The following TCF12 variants were observed in gnomAD, a reference collection of about 807,000 sequenced individuals.
TCF12 encodes the protein DNA-binding protein HTF4.
Under a neutral mutation model 86.0 loss-of-function variants are expected in TCF12, and 45 were observed. The ratio of observed to expected loss-of-function variants is 0.52; its 90% CI spans 0.41 to 0.67. TCF12 has a LOEUF of 0.67. Among genes scored for constraint, TCF12 ranks in the 30% least tolerant of loss-of-function variants. The probability of loss-of-function intolerance (pLI) is 0.00; values close to 1 mark genes in which losing one functional copy is unlikely to be tolerated. For missense variants in TCF12, 881 were observed against 859.9 expected, an observed-to-expected ratio of 1.02 and a Z score of -0.31; for synonymous variants, 330 against 299.6, an observed-to-expected ratio of 1.10 and a Z score of -1.05.
chr15:56,995,686 C>A (rs1367797360), intron 3 of TCF12, among the ~76,000 whole-genome samples: 1 of 151,946 alleles, frequency 6.6e-6, no homozygotes, highest in Non-Finnish European at 1.5e-5. Flanking sequence ...GCTCTAGGAG[C>A]CTTATGGTAT....
At chr15:56,940,678 T>C (rs1439855238) in intron 3 of TCF12, among the ~76,000 whole-genome samples, 6 of 141,268 alleles carry the variant, frequency 4.2e-5, no homozygotes, top group African/African-American at 1.6e-4. Flanking sequence ...CTCCCTCTCC[T>C]TCTCCCTCTC....
chr15:57,015,290 G>T (rs2566851), intron 3 of TCF12, among the ~76,000 whole-genome samples: 152,136 of 152,304 alleles, frequency 1, 75,985 homozygotes, highest in Middle Eastern at 1. Flanking sequence ...CTTGTCTTAA[G>T]TGAAAAACCA....
At chr15:56,979,368 C>T (rs1371721622) in intron 3 of TCF12, among the ~76,000 whole-genome samples, 1 of 152,052 alleles carries the variant, frequency 6.6e-6, no homozygotes, top group African/African-American at 2.4e-5. Context: ...CTTTCCTGAG[C>T]CCCCAAACAA....
chr15:57,257,435 G>A (rs1340443963), intron 16 of TCF12, among the ~76,000 whole-genome samples: 3 of 152,004 alleles, frequency 2.0e-5, no homozygotes, highest in Non-Finnish European at 4.4e-5. Flanking sequence ...ATTCTCGATG[G>A]ATTGCTAGAA....
At chr15:56,966,013 A>C (rs1335077280) in intron 3 of TCF12, among the ~76,000 whole-genome samples, 1 of 152,210 alleles carries the variant, frequency 6.6e-6, no homozygotes, top group Admixed American at 6.5e-5. Context: ...GGATACAGTC[A>C]TGAATATTTG....
intron 8 of TCF12, among the ~76,000 whole-genome samples, chr15:57,217,744 T>A (rs2058390543): frequency 6.6e-6 from 1 of 152,184 alleles, no homozygotes. Context: ...CCTTTTTTTT[T>A]GTTTTGAGAG....
intron 20 of TCF12, among the ~76,000 whole-genome samples, chr15:57,284,174 G>A (rs1292971124): frequency 2.0e-5 from 3 of 151,748 alleles, no homozygotes; most frequent in Non-Finnish European, 4.4e-5. Context: ...AAGTTTTTTT[G>A]TTTGTTCTGG....
chr15:57,203,764 G>T (rs1470657456), intron 8 of TCF12, among the ~76,000 whole-genome samples: 1 of 152,082 alleles, frequency 6.6e-6, no homozygotes, highest in Non-Finnish European at 1.5e-5. Flanking sequence ...AAAATATTTT[G>T]TCAGGGCACG....
chr15:57,178,139 A>C (rs2056086689), intron 6 of TCF12, among the ~76,000 whole-genome samples: 1 of 152,216 alleles, frequency 6.6e-6, no homozygotes, highest in Non-Finnish European at 1.5e-5. Context: ...TTACATGATA[A>C]GGGATTATTG....
intron 6 of TCF12, among the ~76,000 whole-genome samples, chr15:57,169,398 G>T (rs1300033847): frequency 6.6e-6 from 1 of 152,084 alleles, no homozygotes; most frequent in Non-Finnish European, 1.5e-5. Context: ...TCAGTTGAGG[G>T]GGGTAAGACA....
At chr15:57,214,033 G>A (rs2151831849) in intron 8 of TCF12, 1 of 152,266 alleles carries the variant, frequency 6.6e-6, no homozygotes, top group South Asian at 2.1e-4. Context: ...TTGCAACATA[G>A]TTAATGATTC....
chr15:57,031,153 T>C (rs2066152917), intron 3 of TCF12, among the ~76,000 whole-genome samples: 1 of 152,242 alleles, frequency 6.6e-6, no homozygotes, highest in South Asian at 2.1e-4. Context: ...AATCAGATGC[T>C]GCTCTCTCTA....
At chr15:57,136,347 A>C (rs1451181110) in intron 5 of TCF12, among the ~76,000 whole-genome samples, 1 of 152,186 alleles carries the variant, frequency 6.6e-6, no homozygotes, top group African/African-American at 2.4e-5. Context: ...CTGGGAGGCC[A>C]TGTTTTCTTT....
intron 8 of TCF12, among the ~76,000 whole-genome samples, chr15:57,215,690 A>G (rs551007398): frequency 3.3e-5 from 5 of 152,294 alleles, no homozygotes; most frequent in Admixed American, 2.6e-4. Context: ...TAACTAATTC[A>G]AGATACATAA....
At chr15:57,264,194 G>GTTTTTTTTTTTTTTTTTT (rs1567013145) in intron 18 of TCF12, among the ~76,000 whole-genome samples, 3 of 15,460 alleles carry the variant, frequency 1.9e-4, no homozygotes, top group African/African-American at 1.9e-4. Context: ...TCTTTTGTAA[G>GTTTTTTTTTTTTTTTTTT]CTTTTTTTTT....
intron 5 of TCF12, among the ~76,000 whole-genome samples, chr15:57,120,562 T>C (rs1478403122): frequency 6.6e-6 from 1 of 152,250 alleles, no homozygotes; most frequent in Non-Finnish European, 1.5e-5. Flanking sequence ...TATCTGTCTC[T>C]CCTGTTAGGT....
intron 4 of TCF12, among the ~76,000 whole-genome samples, chr15:57,087,260 A>C (rs1706309333): frequency 6.6e-6 from 1 of 151,820 alleles, no homozygotes; most frequent in Non-Finnish European, 1.5e-5. Context: ...AAAAATAAAA[A>C]TATTGGCTGG....
intron 3 of TCF12, chr15:57,001,295 G>A (rs537233387): frequency 1.1e-5 from 2 of 174,790 alleles, no homozygotes; most frequent in South Asian, 2.0e-4. Flanking sequence ...GATTTCTAAT[G>A]CCTGTTTATA....
chr15:57,021,067 A>G (rs1441479511), intron 3 of TCF12, among the ~76,000 whole-genome samples: 1 of 152,090 alleles, frequency 6.6e-6, no homozygotes, highest in Non-Finnish European at 1.5e-5. Context: ...GCATCTTGAG[A>G]GTGGAAATTA....
Sources: allele counts gnomAD v4.1 joint callset (sites outside exome capture counted in the v4.1 genomes callset), GRCh38; gene constraint gnomAD v4.1.1; transcripts MANE v1.5; gene names NCBI Gene and HGNC (gene_info 2026-07-23, HGNC 2026-07-21).